The following BID variants were observed in gnomAD, a reference collection of about 807,000 sequenced individuals.
BID encodes BH3 interacting domain death agonist, also known as BH3-interacting domain death agonist.
A neutral mutation model predicts 17.4 loss-of-function variants in BID; 19 were observed. That is an observed-to-expected ratio of 1.09 (90% CI 0.76 to 1.60). BID has a LOEUF of 1.60. BID is among the 40% of genes most tolerant of loss of function. The pLI, the probability that BID is intolerant of heterozygous loss-of-function variation, is 0.00. For missense variants in BID, 226 were observed against 256.0 expected (o/e 0.88, Z 0.80); for synonymous variants, 108 against 102.8 (o/e 1.05, Z -0.31).
chr22:17,737,942 G>T (rs1001435797), intron 5 of BID, 75 bp downstream of exon 5: 3 of 1,528,428 alleles, frequency 2.0e-6, no homozygotes, highest in Non-Finnish European at 1.8e-6. Context: ...CAGGGGCCCC[G>T]CTGGGCTTCT....
chr22:17,759,729 A>T (rs920545473), intron 1 of BID, among the ~76,000 whole-genome samples: 7 of 152,124 alleles, frequency 4.6e-5, no homozygotes, highest in African/African-American at 1.4e-4. Flanking sequence ...AAAATTTTTT[A>T]AATTTCAAAT....
rs2061409381 is a variant in BID, at chr22:17,734,973, G to A, written c.*607C>T. 6.6e-6 allele frequency: 1 copy of A among 152,316 alleles called. No homozygotes were observed. Among genetic ancestry groups the A allele is most frequent in the South Asian group, 2.1e-4 (1 of 4,838 alleles). 9.4% of individuals were successfully genotyped at this position (152,316 alleles called of 1,614,324 possible). The stretch of plus-strand genomic sequence containing the variant: ...AAAAGTCAAGCCCCTGTGTACTGGG[G>A]CCGGACTTCCCATCATTTGAGTGCA... On this transcript the variant is annotated 3_prime_UTR_variant, in exon 6 of 6. Transcript: ENST00000622694.
At chr22:17,738,956 A>G (rs577992563) in intron 4 of BID, among the ~76,000 whole-genome samples, 1 of 152,266 alleles carries the variant, frequency 6.6e-6, no homozygotes, top group East Asian at 1.9e-4. Flanking sequence ...TAGAGCTCAG[A>G]AAGTTGTGTG....
rs150262258 is a variant in BID at position 17,755,675 on chromosome 22, C to T, written c.-58-5501G>A. 8.7e-3 allele frequency among the ~76,000 whole-genome samples: 1,314 copies of T among 151,846 alleles called. 7 individuals are homozygous for T. Among genetic ancestry groups the T allele is most frequent in the Middle Eastern group, 0.02 (6 of 294 alleles). On this transcript the variant is annotated intron_variant, in intron 1 of 5. Transcript: ENST00000622694. ...AATTAGCCGGGTGTGGTGGCGCGTA[C>T]CTGTAATCCAGCTACTCAGGAGGCT...
chr22:17,749,957 G>A (rs181404), intron 2 of BID, 148 bp downstream of exon 2: 1 of 727,822 alleles, frequency 1.4e-6, no homozygotes, highest in Non-Finnish European at 2.3e-6. Flanking sequence ...TCAGTGAAGG[G>A]GCTGGGCGGG....
At chr22:17,765,723 T>A (rs1041902631) in intron 1 of BID, among the ~76,000 whole-genome samples, 2 of 152,180 alleles carry the variant, frequency 1.3e-5, no homozygotes, top group Non-Finnish European at 2.9e-5. Flanking sequence ...CATTAGGAGA[T>A]ATACCTAATG....
rs753553004 is a variant in BID at position 17,743,868 on chromosome 22, C to T, written c.158G>A (p.Gly53Asp). 2 of 1,613,220 alleles carry T rather than the reference C, an allele frequency of 1.2e-6. No individual in the cohort carries two copies. The highest frequency in any genetic ancestry group is 1.7e-6 in the Non-Finnish European group (2 of 1,179,916). ...ELPVLAPQWE[G>D]YDELQTDGNR... The stretch of plus-strand genomic sequence containing the variant: ...GCCATCAGTCTGCAGCTCATCGTAG[C>T]CCTCCCACTGGGGAGCCAGCACTGG... Residue 53 changes from glycine to aspartate, a missense_variant, in exon 3 of 6, where the codon GGC becomes GAC. Coordinates refer to ENST00000622694, the MANE Select transcript of BID (RefSeq NM_001196.4).
intron 1 of BID, among the ~76,000 whole-genome samples, chr22:17,754,095 C>A (rs2061562943): frequency 6.6e-6 from 1 of 151,994 alleles, no homozygotes. Flanking sequence ...TTCCCCCATT[C>A]TCCAGGACTC....
At chr22:17,756,417 TTTC>T (rs1375904090) in intron 1 of BID, among the ~76,000 whole-genome samples, 1 of 60,584 alleles carries the variant, frequency 1.7e-5, no homozygotes, top group Non-Finnish European at 3.5e-5. Flanking sequence ...TTTCTCTTTC[TTTC>T]TTTCTTTCTT....
At chr22:17,766,988 C>T (rs1413531596) in intron 1 of BID, among the ~76,000 whole-genome samples, 2 of 151,970 alleles carry the variant, frequency 1.3e-5, no homozygotes, top group African/African-American at 4.8e-5. Flanking sequence ...CTCTGGGAGG[C>T]CAAGGCAGGA....
At chr22:17,763,039 G>C (rs562737589) in intron 1 of BID, among the ~76,000 whole-genome samples, 60 of 151,864 alleles carry the variant, frequency 4.0e-4, no homozygotes, top group Middle Eastern at 3.4e-3. Context: ...ACCTCATCCG[G>C]CTAATTTTTG....
chr22:17,752,293 G>A (rs2061545373), intron 1 of BID, among the ~76,000 whole-genome samples: 1 of 152,172 alleles, frequency 6.6e-6, no homozygotes, highest in African/African-American at 2.4e-5. Flanking sequence ...CATTTATGGG[G>A]GGTGTGCTCC....
At chr22:17,756,460 TTTCTTTCTTTCTTTCTTTTCTTTC>T (rs2061588647) in intron 1 of BID, among the ~76,000 whole-genome samples, 2 of 117,634 alleles carry the variant, frequency 1.7e-5, no homozygotes, top group Non-Finnish European at 3.6e-5. Context: ...TCTTTCTTTC[TTTCTTTCTTTCTTTCTTTTCTTTC>T]TTTCTTTCTT....
At chr22:17,755,090 T>C (rs894264274) in intron 1 of BID, among the ~76,000 whole-genome samples, 8 of 144,112 alleles carry the variant, frequency 5.6e-5, no homozygotes, top group African/African-American at 7.7e-5. Flanking sequence ...TTCTTTTTTT[T>C]TTTTTTTTTT....
At chr22:17,756,001 A>G (rs972355071) in intron 1 of BID, among the ~76,000 whole-genome samples, 3 of 151,852 alleles carry the variant, frequency 2.0e-5, no homozygotes, top group African/African-American at 4.8e-5. Flanking sequence ...CTGAGTAGCT[A>G]GGATTACAGG....
chr22:17,738,235 CAG>C lies in BID; in HGVS notation c.364-8_364-7del. 6.2e-7 allele frequency: 1 copy of C among 1,608,030 alleles called. No individual in the cohort carries two copies. The highest frequency in any genetic ancestry group is 8.5e-7 in the Non-Finnish European group (1 of 1,179,506). On this transcript the variant is annotated splice_polypyrimidine_tract_variant and splice_region_variant and intron_variant, in intron 4 of 5. Coordinates refer to ENST00000622694, the MANE Select transcript of BID (RefSeq NM_001196.4). The stretch of plus-strand genomic sequence containing the variant: ...GCCAGGTCCCTGTTCCGGTCCTGCA[CAG>C]AGGGGCACACAGAACCTGGTTTACT...
chr22:17,745,695 C>T lies in BID; in HGVS notation c.13-1682G>A, dbSNP rs555224187. 8.6e-5 allele frequency among the ~76,000 whole-genome samples: 13 copies of T among 151,928 alleles called. No individual in the cohort carries two copies. The South Asian group carries it at 1.2e-3, about 15-fold the overall frequency. On this transcript the variant is annotated intron_variant, in intron 2 of 5. Coordinates refer to ENST00000622694, the MANE Select transcript of BID (RefSeq NM_001196.4). ...TTAAAATAAGGAGCTTGGCCGGGCG[C>T]GGTGGCTCACGCCTGTAATCCCAGC...
Position 17,774,394 on chromosome 22 carries a change from CG to C in BID, c.-73del. 2.1e-5 allele frequency: 5 copies of C among 235,570 alleles called. No homozygotes were observed. Among genetic ancestry groups the C allele is most frequent in the Non-Finnish European group, 4.6e-5 (5 of 109,168 alleles). 14.6% of individuals were successfully genotyped at this position (235,570 alleles called of 1,614,324 possible). ...GGGTGCACTCACCACCCTCCAGCCG[CG>C]GGGGCGCGGGCGCGTCCGGGCCGAG... On this transcript the variant is annotated 5_prime_UTR_variant, in exon 1 of 6. Transcript: ENST00000622694.
chr22:17,738,056 G>A lies in BID; in HGVS notation c.537C>T (p.Asn179=). Residue 179 remains asparagine, a synonymous_variant, in exon 5 of 6, where the codon AAC becomes AAT. Coordinates refer to ENST00000622694, the MANE Select transcript of BID (RefSeq NM_001196.4). ...DVFHTTVNFI[N]QNLRTYVRSL... The stretch of plus-strand genomic sequence containing the variant: ...TCCTCACGTAGGTGCGTAGGTTCTG[G>A]TTAATAAAATTCACTGTTGTGTGAA... 1 of 1,614,208 alleles carries A rather than the reference G, an allele frequency of 6.2e-7. No homozygotes were observed. Among genetic ancestry groups the A allele is most frequent in the Non-Finnish European group, 8.5e-7 (1 of 1,180,042 alleles).
Sources: allele counts gnomAD v4.1 joint callset (sites outside exome capture counted in the v4.1 genomes callset), GRCh38; gene constraint gnomAD v4.1.1; transcripts MANE v1.5; gene names NCBI Gene and HGNC (gene_info 2026-07-23, HGNC 2026-07-21).